PPP2R3A: variants seen among roughly 807,000 people sequenced by gnomAD.
The protein encoded by PPP2R3A is protein phosphatase 2 regulatory subunit B''alpha.
PPP2R3A carries 80 observed loss-of-function variants against 106.9 expected under a neutral mutation model. The ratio of observed to expected loss-of-function variants is 0.75; its 90% CI spans 0.62 to 0.90. The LOEUF (loss-of-function observed/expected upper bound fraction) is 0.90, where lower values mean the gene tolerates loss of function less well. PPP2R3A is among the 40% of genes least tolerant of loss of function. PPP2R3A has a pLI of 0.00. For missense variants in PPP2R3A, 1,386 were observed against 1,350.4 expected (o/e 1.03, Z -0.41); for synonymous variants, 483 against 468.3 (o/e 1.03, Z -0.41).
intron 6 of PPP2R3A, among the ~76,000 whole-genome samples, chr3:136,077,393 C>T (rs926282379): frequency 3.9e-5 from 6 of 152,110 alleles, no homozygotes; most frequent in African/African-American, 1.4e-4. Flanking sequence ...TTGTTCTTCT[C>T]GCACCAAAAT....
chr3:136,134,033 A>G (rs1467039522), intron 13 of PPP2R3A, among the ~76,000 whole-genome samples: 2 of 152,212 alleles, frequency 1.3e-5, no homozygotes, highest in South Asian at 2.1e-4. Context: ...ATTGGCAGCA[A>G]TTTTTAAAAC....
At position 136,026,923 on chromosome 3, in the gene PPP2R3A, A is replaced by G. The variant is rs370342610; in HGVS notation, c.2087A>G (p.His696Arg). 1.1e-5 allele frequency: 18 copies of G among 1,613,512 alleles called. No individual in the cohort carries two copies. The highest frequency in any genetic ancestry group is 1.1e-4 in the African/African-American group (8 of 74,890). Reference protein sequence around the residue: ...SSPRPLSPVPHVNNVVNAPLS... With the variant: ...SSPRPLSPVPRVNNVVNAPLS... ...CCCCGACCTCTCTCCCCGGTTCCCC[A>G]TGTGAATAATGTTGTGAATGCGCCA... Residue 696 changes from histidine (H) to arginine (R), a missense_variant, in exon 3 of 14, where the codon CAT becomes CGT. Coordinates refer to ENST00000264977, the MANE Select transcript of PPP2R3A (RefSeq NM_002718.5).
intron 2 of PPP2R3A, chr3:136,023,285 T>A: frequency 8.4e-7 from 1 of 1,190,360 alleles, no homozygotes; most frequent in Non-Finnish European, 1.2e-6. Context: ...TCCAGTGAAC[T>A]AACTCACAAG....
intron 6 of PPP2R3A, among the ~76,000 whole-genome samples, chr3:136,074,487 C>T (rs538056886): frequency 1.3e-5 from 2 of 152,252 alleles, no homozygotes; most frequent in South Asian, 2.1e-4. Context: ...AAATCATAGC[C>T]GTTGAGTGCA....
intron 8 of PPP2R3A, 23 bp from the exon 9 acceptor site, chr3:136,087,860 A>ATTT: frequency 1.4e-6 from 2 of 1,445,494 alleles, no homozygotes; most frequent in South Asian, 1.3e-5. Context: ...TAGCTTTGCA[A>ATTT]TTTTTTTTTT....
chr3:136,127,140 G>A (rs987114682), intron 13 of PPP2R3A, among the ~76,000 whole-genome samples: 8 of 152,154 alleles, frequency 5.3e-5, no homozygotes, highest in Non-Finnish European at 1.2e-4. Context: ...CGCCAGCAAC[G>A]GAACAAAGCT....
chr3:136,077,223 G>A (rs1936626940), intron 6 of PPP2R3A, among the ~76,000 whole-genome samples: 1 of 152,238 alleles, frequency 6.6e-6, no homozygotes, highest in South Asian at 2.1e-4. Context: ...GGTAGTGAGC[G>A]CTGGACAGCT....
chr3:136,079,305 T>C (rs1936703364), intron 7 of PPP2R3A: 1 of 320,134 alleles, frequency 3.1e-6, no homozygotes, highest in African/African-American at 2.1e-5. Context: ...TGGGTTAAAA[T>C]GGCAGTAATT....
At chr3:136,040,637 A>G (rs1935232026) in intron 3 of PPP2R3A, among the ~76,000 whole-genome samples, 1 of 151,896 alleles carries the variant, frequency 6.6e-6, no homozygotes, top group African/African-American at 2.4e-5. Flanking sequence ...ACATAAATGA[A>G]TTTCCGTTTT....
intron 6 of PPP2R3A, among the ~76,000 whole-genome samples, chr3:136,074,656 T>G (rs956474187): frequency 1.3e-5 from 2 of 152,218 alleles, no homozygotes; most frequent in Non-Finnish European, 2.9e-5. Context: ...GCAGTAGAGA[T>G]ATTTCTGTGG....
intron 2 of PPP2R3A, chr3:136,022,745 A>C: frequency 1.8e-6 from 2 of 1,096,776 alleles, no homozygotes; most frequent in South Asian, 5.3e-5. Context: ...CTTTCCCAGA[A>C]GGCTCCATAT....
At chr3:136,110,642 T>C (rs956298066) in intron 13 of PPP2R3A, among the ~76,000 whole-genome samples, 6 of 152,238 alleles carry the variant, frequency 3.9e-5, no homozygotes, top group African/African-American at 9.6e-5. Context: ...TAAGCAGCCA[T>C]TGATAATATG....
At chr3:136,069,210 C>T (rs1936354159) in intron 5 of PPP2R3A, among the ~76,000 whole-genome samples, 1 of 152,164 alleles carries the variant, frequency 6.6e-6, no homozygotes, top group South Asian at 2.1e-4. Flanking sequence ...TGACTTGTTA[C>T]CATTAAGGGA....
chr3:136,114,374 T>G (rs996445676), intron 13 of PPP2R3A, among the ~76,000 whole-genome samples: 9 of 152,148 alleles, frequency 5.9e-5, no homozygotes, highest in African/African-American at 2.2e-4. Flanking sequence ...AGTTGTTGTT[T>G]TTTTTGTTTT....
At chr3:136,048,077 TA>T (rs1935535944) in intron 4 of PPP2R3A, among the ~76,000 whole-genome samples, 1 of 152,004 alleles carries the variant, frequency 6.6e-6, no homozygotes, top group South Asian at 2.1e-4. Context: ...AACAAACCCG[TA>T]CATGTACCCC....
intron 13 of PPP2R3A, among the ~76,000 whole-genome samples, chr3:136,134,086 CT>C (rs1327404245): frequency 2.6e-5 from 4 of 152,076 alleles, no homozygotes; most frequent in Non-Finnish European, 5.9e-5. Flanking sequence ...TGCATTACTA[CT>C]GTATATTAAG....
At chr3:136,058,011 A>C (rs867132190) in intron 5 of PPP2R3A, among the ~76,000 whole-genome samples, 3 of 152,210 alleles carry the variant, frequency 2.0e-5, no homozygotes, top group Non-Finnish European at 4.4e-5. Context: ...GGTTCATTGC[A>C]GCATTATTCA....
intron 4 of PPP2R3A, among the ~76,000 whole-genome samples, chr3:136,043,759 C>A (rs1177817538): frequency 6.6e-6 from 1 of 152,172 alleles, no homozygotes; most frequent in East Asian, 1.9e-4. Flanking sequence ...TTTACCTTTT[C>A]ATATCAATGT....
intron 1 of PPP2R3A, among the ~76,000 whole-genome samples, chr3:135,986,900 C>T (rs551926079): frequency 1.1e-4 from 17 of 152,238 alleles, no homozygotes; most frequent in South Asian, 2.1e-4. Context: ...ATGTAAACAT[C>T]GTAGTAAAAC....
Sources: gnomAD v4.1 joint callset for allele counts (sites outside exome capture counted in the v4.1 genomes callset) on GRCh38, gnomAD v4.1.1 for gene constraint, MANE v1.5 for transcripts, NCBI Gene and HGNC (gene_info 2026-07-23, HGNC 2026-07-21) for gene names.